Variants in ADAMTS12 observed in about 807,000 individuals in gnomAD.
ADAMTS12 encodes A disintegrin and metalloproteinase with thrombospondin motifs 12.
Under a neutral mutation model 167.8 loss-of-function variants are expected in ADAMTS12, and 118 were observed. That is an observed-to-expected ratio of 0.70 (90% CI 0.61 to 0.82). The LOEUF is 0.82. ADAMTS12 is among the 40% of genes least tolerant of loss of function. ADAMTS12 has a pLI of 0.00. For synonymous variants in ADAMTS12, 704 were observed against 716.9 expected (o/e 0.98, Z 0.29); for missense variants, 1,916 against 1,998.8 (o/e 0.96, Z 0.79).
intron 1 of ADAMTS12, among the ~76,000 whole-genome samples, chr5:33,885,206 A>G (rs1448374169): frequency 1.3e-5 from 2 of 152,204 alleles, no homozygotes; most frequent in Non-Finnish European, 2.9e-5. Context: ...TTTCAGAAAT[A>G]TGGAAACAAT....
At chr5:33,780,970 C>T (rs1352843640) in intron 2 of ADAMTS12, among the ~76,000 whole-genome samples, 1 of 152,074 alleles carries the variant, frequency 6.6e-6, no homozygotes, top group African/African-American at 2.4e-5. Context: ...GTTCCCTTTT[C>T]TTTTTCTTTC....
chr5:33,554,736 T>C (rs1481886861), intron 20 of ADAMTS12, among the ~76,000 whole-genome samples: 1 of 152,188 alleles, frequency 6.6e-6, no homozygotes. Context: ...CATTCATTTG[T>C]AAAAATTCAG....
chr5:33,782,345 T>C (rs1035856955), intron 2 of ADAMTS12, among the ~76,000 whole-genome samples: 1 of 151,632 alleles, frequency 6.6e-6, no homozygotes, highest in Admixed American at 6.6e-5. Context: ...CATTAAAAAA[T>C]ATTTGGTTAG....
rs565496130 is a variant in ADAMTS12, at chr5:33,560,859, T to C, written c.4125+168A>G. On this transcript the variant is annotated intron_variant, in intron 20 of 23. Transcript: ENST00000504830. Reference sequence around the variant, plus strand: ...GGGTGCAGCACACCAACATGACACATGTATACATATGTAACAAACCTGAAC... The same window carrying C: ...GGGTGCAGCACACCAACATGACACACGTATACATATGTAACAAACCTGAAC... Among the ~76,000 whole-genome samples, 37 of 149,314 alleles carry C rather than the reference T, an allele frequency of 2.5e-4. No homozygotes were observed. The South Asian group carries it at 7.9e-3, about 32-fold the overall frequency.
intron 9 of ADAMTS12, among the ~76,000 whole-genome samples, chr5:33,648,144 G>A (rs1405335245): frequency 6.6e-6 from 1 of 152,212 alleles, no homozygotes; most frequent in East Asian, 1.9e-4. Flanking sequence ...AAATCACGAA[G>A]GACTGCCTCA....
At chr5:33,743,691 C>A (rs1744681570) in intron 3 of ADAMTS12, among the ~76,000 whole-genome samples, 1 of 152,154 alleles carries the variant, frequency 6.6e-6, no homozygotes, top group African/African-American at 2.4e-5. Flanking sequence ...CTGCGTCTAT[C>A]CATCCATCCA....
chr5:33,663,887 A>C lies in ADAMTS12; in HGVS notation c.916-1847T>G, dbSNP rs148351728. ...TAATTTAACATTACCATTTACAATT[A>C]CCAATAGTATTACCACTTATAATTG... is the stretch of plus-strand genomic sequence containing the variant. On this transcript the variant is annotated intron_variant, in intron 5 of 23. Coordinates refer to ENST00000504830, the MANE Select transcript of ADAMTS12 (RefSeq NM_030955.4). Among the ~76,000 whole-genome samples, 78 of 152,340 alleles carry C rather than the reference A, an allele frequency of 5.1e-4. 1 individual carries two copies. The East Asian group carries it at 8.9e-3, about 17-fold the overall frequency.
intron 19 of ADAMTS12, among the ~76,000 whole-genome samples, chr5:33,569,286 T>G (rs1000750314): frequency 6.6e-6 from 1 of 152,254 alleles, no homozygotes; most frequent in Non-Finnish European, 1.5e-5. Flanking sequence ...ACGGGCAGAC[T>G]GCCTCCTCAA....
intron 5 of ADAMTS12, among the ~76,000 whole-genome samples, chr5:33,673,520 T>A (rs1368010405): frequency 1.3e-5 from 2 of 152,156 alleles, no homozygotes; most frequent in East Asian, 3.8e-4. Context: ...TCCCAATCTG[T>A]CATCATGTGC....
At position 33,771,735 on chromosome 5, in the gene ADAMTS12, T is replaced by C. The variant is rs377614067; in HGVS notation, c.490-20187A>G. ...TTTATATATTGTATATTGTATATAA[T>C]ATTAAATATTCACTGTCCTTAAAGT... On this transcript the variant is annotated intron_variant, in intron 2 of 23. Coordinates refer to ENST00000504830, the MANE Select transcript of ADAMTS12 (RefSeq NM_030955.4). 2.6e-5 allele frequency among the ~76,000 whole-genome samples: 4 copies of C among 152,024 alleles called. No homozygotes were observed. In the South Asian group the frequency reaches 8.3e-4, roughly 31 times the overall value.
At chr5:33,775,361 T>C (rs927342891) in intron 2 of ADAMTS12, among the ~76,000 whole-genome samples, 7 of 152,074 alleles carry the variant, frequency 4.6e-5, no homozygotes, top group African/African-American at 1.7e-4. Flanking sequence ...TGGAGAAAGC[T>C]CAGAAGAGAG....
intron 13 of ADAMTS12, among the ~76,000 whole-genome samples, chr5:33,626,453 G>C (rs942788223): frequency 6.0e-5 from 9 of 150,596 alleles, no homozygotes; most frequent in Admixed American, 1.3e-4. Flanking sequence ...TGATTTGATG[G>C]TAATAATGGT....
At chr5:33,613,520 C>A (rs1485938254) in intron 16 of ADAMTS12, among the ~76,000 whole-genome samples, 1 of 152,136 alleles carries the variant, frequency 6.6e-6, no homozygotes, top group East Asian at 1.9e-4. Context: ...CCAAGGCTGT[C>A]AACAGAGCCA....
In ADAMTS12 at chr5:33,631,255, A is replaced by T. The variant is rs140706235; in HGVS notation, c.1889-342T>A. Reference sequence around the variant, plus strand: ...GGCACTGGGCATCTGGGGTTAGCTTAGAAAATAAGTTATTGCAACCAGCCA... The same window carrying T: ...GGCACTGGGCATCTGGGGTTAGCTTTGAAAATAAGTTATTGCAACCAGCCA... On this transcript the variant is annotated intron_variant, in intron 12 of 23. Transcript: ENST00000504830. Among the ~76,000 whole-genome samples, 886 of 152,310 alleles carry T rather than the reference A, an allele frequency of 5.8e-3. 10 individuals are homozygous for T. The highest frequency in any genetic ancestry group is 0.02 in the African/African-American group (841 of 41,568).
chr5:33,794,526 T>A (rs1244924895), intron 2 of ADAMTS12, among the ~76,000 whole-genome samples: 1 of 152,170 alleles, frequency 6.6e-6, no homozygotes, highest in Non-Finnish European at 1.5e-5. Context: ...CCTGCTACAC[T>A]GACTTCTCTC....
intron 3 of ADAMTS12, among the ~76,000 whole-genome samples, chr5:33,705,373 A>G (rs757082797): frequency 1.1e-4 from 16 of 151,700 alleles, no homozygotes; most frequent in Non-Finnish European, 1.9e-4. Context: ...CAATTTTTAA[A>G]TGGATTGTTT....
intron 3 of ADAMTS12, among the ~76,000 whole-genome samples, chr5:33,697,170 G>A (rs1170610125): frequency 2.0e-5 from 3 of 152,200 alleles, no homozygotes; most frequent in African/African-American, 4.8e-5. Flanking sequence ...TAGGCATAAG[G>A]TGGTGTGTAT....
In ADAMTS12 at chr5:33,723,089, C is replaced by G. The variant is rs560972207; in HGVS notation, c.634+28315G>C. Among the ~76,000 whole-genome samples the G allele has an allele frequency of 3.5e-4, 53 of 152,300 alleles. 1 individual carries two copies. The highest frequency in any genetic ancestry group is 6.2e-4 in the Non-Finnish European group (42 of 68,030). On this transcript the variant is annotated intron_variant, in intron 3 of 23. Coordinates refer to ENST00000504830, the MANE Select transcript of ADAMTS12 (RefSeq NM_030955.4). Reference sequence around the variant, plus strand: ...GATGGCTTTGAAAGCTCAGCCTCTCCTGTCATTCATACCTGGATGACAGGT... The same window carrying G: ...GATGGCTTTGAAAGCTCAGCCTCTCGTGTCATTCATACCTGGATGACAGGT...
intron 19 of ADAMTS12, among the ~76,000 whole-genome samples, chr5:33,569,783 C>T (rs886948455): frequency 2.2e-4 from 33 of 152,122 alleles, no homozygotes; most frequent in Admixed American, 1.3e-3. Context: ...AGGCTTCAGA[C>T]GATCAAACTA....
Sources: gnomAD v4.1 joint callset for allele counts (sites outside exome capture counted in the v4.1 genomes callset) on GRCh38, gnomAD v4.1.1 for gene constraint, MANE v1.5 for transcripts, NCBI Gene and HGNC (gene_info 2026-07-23, HGNC 2026-07-21) for gene names.